Variants in PIK3R1 observed in about 807,000 individuals in gnomAD.
PIK3R1 encodes phosphoinositide-3-kinase regulatory subunit 1, also known as phosphatidylinositol 3-kinase regulatory subunit alpha.
In PIK3R1, 29 loss-of-function variants were observed where a neutral mutation model predicts 98.0. The observed-to-expected ratio is 0.30, with a 90% CI of 0.22 to 0.40. PIK3R1 has a LOEUF of 0.40. Ranked by LOEUF, PIK3R1 falls within the 10% of genes least tolerant of loss-of-function variation. The pLI is 1.00. For synonymous variants in PIK3R1, 282 were observed against 311.8 expected, an observed-to-expected ratio of 0.90 and a Z score of 1.01; for missense variants, 596 against 872.7, an observed-to-expected ratio of 0.68 and a Z score of 3.99.
chr5:68,254,229 T>G (rs1745428540), intron 2 of PIK3R1, among the ~76,000 whole-genome samples: 1 of 152,248 alleles, frequency 6.6e-6, no homozygotes, highest in Non-Finnish European at 1.5e-5. Flanking sequence ...AGAATGATTC[T>G]GCATCCTTAA....
intron 1 of PIK3R1, among the ~76,000 whole-genome samples, chr5:68,224,104 A>C (rs1381412625): frequency 1.3e-5 from 2 of 152,168 alleles, no homozygotes; most frequent in Admixed American, 1.3e-4. Flanking sequence ...CAAAAATTTC[A>C]AGGCAGATTT....
In PIK3R1 at chr5:68,264,758, C is replaced by T. The variant is rs72757683; in HGVS notation, c.335-8632C>T. 4.5e-3 allele frequency among the ~76,000 whole-genome samples: 692 copies of T among 152,236 alleles called. 1 individual carries two copies. The highest frequency in any genetic ancestry group is 7.9e-3 in the Admixed American group (121 of 15,296). On this transcript the variant is annotated intron_variant, in intron 2 of 15. Transcript: ENST00000521381. ...ATGGGCATCAGGAGGCCTGGGTCCTCGGCTTGAACTTCCTGTGGGACCTTG... is the reference window on the plus strand; with the variant it reads ...ATGGGCATCAGGAGGCCTGGGTCCTTGGCTTGAACTTCCTGTGGGACCTTG...
At chr5:68,292,834 A>G (rs1489116964) in intron 8 of PIK3R1, 2 of 929,000 alleles carry the variant, frequency 2.2e-6, no homozygotes, top group East Asian at 3.0e-5. Context: ...ATACACCAAT[A>G]GTGAAAGTGA....
rs1348636689 is a variant in PIK3R1, at chr5:68,242,388, C to T, written c.334+15379C>T. ...ACACCATAGTCATAATGTATGAAGC[C>T]AAAAGAAAAGTCCTAGTTGCTGGGT... On this transcript the variant is annotated intron_variant, in intron 2 of 15. Transcript: ENST00000521381. Among the ~76,000 whole-genome samples, 3 of 152,142 alleles carry T rather than the reference C, an allele frequency of 2.0e-5. No individual in the cohort carries two copies. The East Asian group carries it at 5.8e-4, about 29-fold the overall frequency.
chr5:68,298,138 A>G lies in PIK3R1; in HGVS notation c.*537A>G. The G allele has an allele frequency of 4.3e-6, 1 of 231,356 alleles. No individual in the cohort carries two copies. Among genetic ancestry groups the G allele is most frequent in the Non-Finnish European group, 8.6e-6 (1 of 116,624 alleles). The allele number at this position is 231,356 out of a possible 1,614,324, so 14.3% of individuals were successfully genotyped here. A position where few individuals can be genotyped will look rare whatever the true frequency, so the allele number is the denominator to read the frequency against. ...AATGAACGATATGTAGCAGAAAGGC[A>G]CGTCCACTCACAAGGGACGCTTTGG... On this transcript the variant is annotated 3_prime_UTR_variant, in exon 16 of 16. Transcript: ENST00000521381.
chr5:68,272,267 A>G (rs1024106693), intron 2 of PIK3R1, among the ~76,000 whole-genome samples: 1 of 151,500 alleles, frequency 6.6e-6, no homozygotes, highest in East Asian at 1.9e-4. Flanking sequence ...AAAAAAAAAA[A>G]AAAGAAAAAG....
rs1047726459 is a variant in PIK3R1, at chr5:68,280,749, C to A, written c.836+20C>A. The A allele has an allele frequency of 2.5e-6, 4 of 1,607,140 alleles. No individual in the cohort carries two copies. Among genetic ancestry groups the A allele is most frequent in the Non-Finnish European group, 2.6e-6 (3 of 1,173,834 alleles). On this transcript the variant is annotated intron_variant, in intron 6 of 15. Transcript: ENST00000521381. Reference sequence around the variant, plus strand: ...AGCCAGGTAAGTGAAAGGAGACAAACATGTATTTTGGGGTGATGAGGGTAG... The same window carrying A: ...AGCCAGGTAAGTGAAAGGAGACAAAAATGTATTTTGGGGTGATGAGGGTAG...
intron 7 of PIK3R1, among the ~76,000 whole-genome samples, chr5:68,283,825 C>A (rs1018057842): frequency 6.6e-6 from 1 of 152,208 alleles, no homozygotes; most frequent in Non-Finnish European, 1.5e-5. Context: ...CCATGCCCTG[C>A]TGCCTGGATT....
chr5:68,238,904 CA>C (rs1744770255), intron 2 of PIK3R1, among the ~76,000 whole-genome samples: 1 of 149,984 alleles, frequency 6.7e-6, no homozygotes, highest in Non-Finnish European at 1.5e-5. Context: ...AGTACCTTGC[CA>C]AAATATCTGG....
chr5:68,271,138 C>T (rs577141333), intron 2 of PIK3R1, among the ~76,000 whole-genome samples: 1 of 152,198 alleles, frequency 6.6e-6, no homozygotes, highest in African/African-American at 2.4e-5. Context: ...CTGGATGTTC[C>T]GATTCTGAAG....
At chr5:68,242,998 C>T (rs1744928873) in intron 2 of PIK3R1, among the ~76,000 whole-genome samples, 1 of 152,016 alleles carries the variant, frequency 6.6e-6, no homozygotes, top group Non-Finnish European at 1.5e-5. Context: ...TCCCACCGTC[C>T]CCAGACACCA....
intron 2 of PIK3R1, among the ~76,000 whole-genome samples, chr5:68,247,797 G>T (rs1383205846): frequency 6.6e-6 from 1 of 151,996 alleles, no homozygotes; most frequent in African/African-American, 2.4e-5. Flanking sequence ...ATTATTTCCT[G>T]CCCAACGGGA....
chr5:68,222,399 G>T (rs1163671366), intron 1 of PIK3R1, among the ~76,000 whole-genome samples: 4 of 152,116 alleles, frequency 2.6e-5, no homozygotes, highest in Non-Finnish European at 5.9e-5. Context: ...GAGGAGCTGG[G>T]TTATTGGAAA....
chr5:68,289,268 G>C (rs1747247877), intron 7 of PIK3R1, among the ~76,000 whole-genome samples: 1 of 152,120 alleles, frequency 6.6e-6, no homozygotes, highest in Non-Finnish European at 1.5e-5. Flanking sequence ...ATTTGAATTT[G>C]AGTTCAGGTA....
intron 2 of PIK3R1, among the ~76,000 whole-genome samples, chr5:68,271,604 A>C (rs2112156859): frequency 6.6e-6 from 1 of 152,278 alleles, no homozygotes; most frequent in South Asian, 2.1e-4. Flanking sequence ...TCAGTTCTTC[A>C]CTGGGAATGG....
intron 7 of PIK3R1, among the ~76,000 whole-genome samples, chr5:68,289,714 G>A (rs1747272363): frequency 8.2e-6 from 1 of 122,140 alleles, no homozygotes; most frequent in Non-Finnish European, 1.6e-5. Flanking sequence ...TGCTAAGAAG[G>A]AATATTTGTC....
At chr5:68,282,027 A>G (rs948494563) in intron 7 of PIK3R1, among the ~76,000 whole-genome samples, 2 of 152,182 alleles carry the variant, frequency 1.3e-5, no homozygotes, top group South Asian at 4.1e-4. Context: ...AGATGCGGGT[A>G]TTGGGAAAGG....
intron 2 of PIK3R1, among the ~76,000 whole-genome samples, chr5:68,261,648 G>A (rs1258344955): frequency 6.6e-6 from 1 of 152,086 alleles, no homozygotes; most frequent in Non-Finnish European, 1.5e-5. Context: ...TGACCAACAG[G>A]GGGAAACCTG....
intron 15 of PIK3R1, among the ~76,000 whole-genome samples, chr5:68,296,785 T>TTCTGATC (rs1747738063): frequency 6.6e-6 from 1 of 152,172 alleles, no homozygotes; most frequent in Non-Finnish European, 1.5e-5. Flanking sequence ...ATCCTTGAGA[T>TTCTGATC]AGGTACACCC....
Sources: gnomAD v4.1 joint callset for allele counts (sites outside exome capture counted in the v4.1 genomes callset) on GRCh38, gnomAD v4.1.1 for gene constraint, MANE v1.5 for transcripts, NCBI Gene and HGNC (gene_info 2026-07-23, HGNC 2026-07-21) for gene names.